Variants in CYP1B1 observed in about 807,000 individuals in gnomAD.
CYP1B1 encodes the protein cytochrome P450 1B1.
Under a neutral mutation model 29.9 loss-of-function variants are expected in CYP1B1, and 22 were observed. The observed-to-expected ratio is 0.74, with a 90% CI of 0.53 to 1.05. The LOEUF is 1.05. CYP1B1 is among the 50% of genes least tolerant of loss of function. The probability of loss-of-function intolerance (pLI) is 0.00; values close to 1 mark genes in which losing one functional copy is unlikely to be tolerated. For missense variants in CYP1B1, 883 were observed against 746.9 expected (o/e 1.18, Z -2.12); for synonymous variants, 375 against 320.0 (o/e 1.17, Z -1.83).
At chr2:38,072,694 G>GT (rs1422372960) in intron 2 of CYP1B1, among the ~76,000 whole-genome samples, 2 of 152,182 alleles carry the variant, frequency 1.3e-5, no homozygotes, top group Non-Finnish European at 1.5e-5. Context: ...AACATGTATG[G>GT]TGGGGAGAGC....
rs973844941 is a variant in CYP1B1, at chr2:38,069,118, T to C, written c.*1604A>G. 1 of 226,136 alleles carries C rather than the reference T, an allele frequency of 4.4e-6. No individual in the cohort carries two copies. The highest frequency in any genetic ancestry group is 2.2e-5 in the African/African-American group (1 of 44,958). The allele number at this position is 226,136 out of a possible 1,614,324, so 14.0% of individuals were successfully genotyped here. On this transcript the variant is annotated 3_prime_UTR_variant, in exon 3 of 3. Coordinates refer to ENST00000610745, the MANE Select transcript of CYP1B1 (RefSeq NM_000104.4). ...TCTAAATGTGAATGCATACATTTCATTTGAGCTTTATGCTTTCCCAGCTAC... is the reference window on the plus strand; with the variant it reads ...TCTAAATGTGAATGCATACATTTCACTTGAGCTTTATGCTTTCCCAGCTAC...
chr2:38,076,098 G>C lies in CYP1B1; in HGVS notation c.-320C>G, dbSNP rs1361287777. The C allele has an allele frequency of 1.3e-5, 2 of 153,056 alleles. No homozygotes were observed. Among genetic ancestry groups the C allele is most frequent in the Admixed American group, 1.3e-4 (2 of 15,402 alleles). 9.5% of individuals were successfully genotyped at this position (153,056 alleles called of 1,614,324 possible). A position where few individuals can be genotyped will look rare whatever the true frequency, so the allele number is the denominator to read the frequency against. On this transcript the variant is annotated 5_prime_UTR_variant, in exon 1 of 3. Transcript: ENST00000610745. ...GTGGCGTCAATTCCCATGCCCTTGC[G>C]GCTCTCACAACTGGAGTCGCAGAAG...
At chr2:38,072,630 T>G (rs1251116993) in intron 2 of CYP1B1, among the ~76,000 whole-genome samples, 1 of 152,240 alleles carries the variant, frequency 6.6e-6, no homozygotes, top group Non-Finnish European at 1.5e-5. Context: ...GAGTTATTTT[T>G]AGAATCGCTT....
chr2:38,067,701 G>C lies in CYP1B1; in HGVS notation c.*3021C>G, dbSNP rs182069485. ...TAATTTGGTATATCAAACAGTAAAG[G>C]CTACATATAAATGTTGTTTCCCCAG... On this transcript the variant is annotated 3_prime_UTR_variant, in exon 3 of 3. Coordinates refer to ENST00000610745, the MANE Select transcript of CYP1B1 (RefSeq NM_000104.4). 36 of 180,996 alleles carry C rather than the reference G, an allele frequency of 2.0e-4. No individual in the cohort carries two copies. Among genetic ancestry groups the C allele is most frequent in the African/African-American group, 8.3e-4 (35 of 42,396 alleles). 11.2% of individuals were successfully genotyped at this position (180,996 alleles called of 1,614,324 possible).
Position 38,074,625 on chromosome 2 carries a change from C to A in CYP1B1, c.764G>T (p.Arg255Leu), listed in dbSNP as rs772822218. ...CTGCTCGAATTCGCGGAAAACGGTG[C>A]GCACCGGGTTGGGGAAGTACTGCAG... ...PWLQYFPNPV[R>L]TVFREFEQLN... The change falls in exon 2 of 3, where the codon CGC (arginine) becomes CTC (leucine). Residue 255 changes from arginine (R) to leucine (L), a missense_variant. Physicochemically the swap from Arg to Leu is moderately radical, Grantham distance 102. Coordinates refer to ENST00000610745, the MANE Select transcript of CYP1B1 (RefSeq NM_000104.4). The A allele has an allele frequency of 1.1e-5, 18 of 1,613,482 alleles. No homozygotes were observed. In the South Asian group the frequency reaches 1.9e-4, roughly 17 times the overall value.
In CYP1B1 at chr2:38,067,665, C is replaced by T; in HGVS notation, c.*3057G>A. On this transcript the variant is annotated 3_prime_UTR_variant, in exon 3 of 3. Coordinates refer to ENST00000610745, the MANE Select transcript of CYP1B1 (RefSeq NM_000104.4). Reference sequence around the variant, plus strand: ...GTGTCCCAGTATAAGTAATGAGATACAATTTTTTTTTAATTTGGTATATCA... The same window carrying T: ...GTGTCCCAGTATAAGTAATGAGATATAATTTTTTTTTAATTTGGTATATCA... The T allele has an allele frequency of 5.6e-6, 1 of 178,316 alleles. No individual in the cohort carries two copies. The highest frequency in any genetic ancestry group is 1.2e-5 in the Non-Finnish European group (1 of 83,164). 11.0% of individuals were successfully genotyped at this position (178,316 alleles called of 1,614,324 possible). A position where few individuals can be genotyped will look rare whatever the true frequency, so the allele number is the denominator to read the frequency against.
chr2:38,069,359 G>A lies in CYP1B1; in HGVS notation c.*1363C>T, dbSNP rs748259917. 3 of 217,596 alleles carry A rather than the reference G, an allele frequency of 1.4e-5. No individual in the cohort carries two copies. Among genetic ancestry groups the A allele is most frequent in the Non-Finnish European group, 1.8e-5 (2 of 108,284 alleles). 13.5% of individuals were successfully genotyped at this position (217,596 alleles called of 1,614,324 possible). ...AAAAAGAACATCCAGGTAATTCATG[G>A]CATTTTCCATTATTCATTGGGCAGA... On this transcript the variant is annotated 3_prime_UTR_variant, in exon 3 of 3. Coordinates refer to ENST00000610745, the MANE Select transcript of CYP1B1 (RefSeq NM_000104.4).
At chr2:38,073,659 ATCTGCCTTTCTGAATGC>A (rs1468601670) in intron 2 of CYP1B1, 1 of 152,386 alleles carries the variant, frequency 6.6e-6, no homozygotes, top group Non-Finnish European at 1.5e-5. Context: ...TGGATATCCC[ATCTGCCTTTCTGAATGC>A]TACTCTGCTT....
Position 38,074,862 on chromosome 2 carries a change from TC to T in CYP1B1, c.526del (p.Glu176SerfsTer21). On this transcript the variant is annotated frameshift_variant, in exon 2 of 3. Transcript: ENST00000610745. LOFTEE classifies it high-confidence loss of function. ...GCCGCGCACCAGCAGCGCCACCAGC[TC>T]GCGCGCCTCGCTCAGCACGTGGCCC... ...LEGHVLSEARELVALLVRGSA... is the reference protein window; with the variant it reads ...LEGHVLSEARXLVALLVRGSA... 6.4e-7 allele frequency: 1 copy of T among 1,554,460 alleles called. No homozygotes were observed. Among genetic ancestry groups the T allele is most frequent in the Non-Finnish European group, 8.7e-7 (1 of 1,151,092 alleles).
chr2:38,074,630 C>G lies in CYP1B1; in HGVS notation c.759G>C (p.Pro253=). The G allele has an allele frequency of 6.2e-7, 1 of 1,613,530 alleles. No homozygotes were observed. Among genetic ancestry groups the G allele is most frequent in the South Asian group, 1.1e-5 (1 of 91,052 alleles). ...VMPWLQYFPN[P]VRTVFREFEQ... ...CGAATTCGCGGAAAACGGTGCGCAC[C>G]GGGTTGGGGAAGTACTGCAGCCAGG... is the stretch of plus-strand genomic sequence containing the variant. The change falls in exon 2 of 3, where the codon CCG becomes CCC. Residue 253 remains proline (P), a synonymous_variant. Transcript: ENST00000610745.
rs1682368883 is a variant in CYP1B1, at chr2:38,068,905, C to G, written c.*1817G>C. 4.4e-6 allele frequency: 1 copy of G among 228,238 alleles called. No homozygotes were observed. The highest frequency in any genetic ancestry group is 8.7e-6 in the Non-Finnish European group (1 of 114,988). 14.1% of individuals were successfully genotyped at this position (228,238 alleles called of 1,614,324 possible). On this transcript the variant is annotated 3_prime_UTR_variant, in exon 3 of 3. Transcript: ENST00000610745. Reference sequence around the variant, plus strand: ...TCTTTTCAGTGTTTCTCTCTTTTCTCTTACCATCCCCCCACCCCACACACA... The same window carrying G: ...TCTTTTCAGTGTTTCTCTCTTTTCTGTTACCATCCCCCCACCCCACACACA...
chr2:38,067,509 T>G lies in CYP1B1; in HGVS notation c.*3213A>C, dbSNP rs577070952. ...AAATGTAGAATGGACAAATAAAATG[T>G]TTACAGTGCAATATTTTAATTGAAT... On this transcript the variant is annotated 3_prime_UTR_variant, in exon 3 of 3. Coordinates refer to ENST00000610745, the MANE Select transcript of CYP1B1 (RefSeq NM_000104.4). 6.1e-6 allele frequency: 1 copy of G among 164,806 alleles called. No individual in the cohort carries two copies. Among genetic ancestry groups the G allele is most frequent in the East Asian group, 1.3e-4 (1 of 7,604 alleles). 10.2% of individuals were successfully genotyped at this position (164,806 alleles called of 1,614,324 possible). A position where few individuals can be genotyped will look rare whatever the true frequency, so the allele number is the denominator to read the frequency against.
intron 2 of CYP1B1, among the ~76,000 whole-genome samples, chr2:38,072,028 G>A (rs1682441993): frequency 6.6e-6 from 1 of 152,066 alleles, no homozygotes; most frequent in Admixed American, 6.6e-5. Flanking sequence ...ATAAAATTAT[G>A]GTACAAACTG....
chr2:38,074,762 A>G lies in CYP1B1; in HGVS notation c.627T>C (p.Cys209=). ...CGTCGTGGCTGTAGCGGCAGCCGAA[A>G]CACACGGCACTCATGACGTTGGCCA... The part of the protein sequence containing the change: ...VAVANVMSAV[C]FGCRYSHDDP... Residue 209 remains cysteine (C), a synonymous_variant, in exon 2 of 3, where the codon TGT becomes TGC. Coordinates refer to ENST00000610745, the MANE Select transcript of CYP1B1 (RefSeq NM_000104.4). 1 of 1,599,098 alleles carries G rather than the reference A, an allele frequency of 6.3e-7. No individual in the cohort carries two copies. The highest frequency in any genetic ancestry group is 1.3e-5 in the African/African-American group (1 of 74,830).
intron 1 of CYP1B1, 29 bp from the exon 2 acceptor site, chr2:38,075,418 C>G: frequency 6.2e-7 from 1 of 1,606,228 alleles, no homozygotes; most frequent in Non-Finnish European, 8.5e-7. Context: ...AGGCGTGACA[C>G]TCAGGGGTGC....
rs1325957340 is a variant in CYP1B1, at chr2:38,069,019, C to G, written c.*1703G>C. 1 of 225,640 alleles carries G rather than the reference C, an allele frequency of 4.4e-6. No individual in the cohort carries two copies. The highest frequency in any genetic ancestry group is 8.8e-6 in the Non-Finnish European group (1 of 113,346). 14.0% of individuals were successfully genotyped at this position (225,640 alleles called of 1,614,324 possible). On this transcript the variant is annotated 3_prime_UTR_variant, in exon 3 of 3. Transcript: ENST00000610745. ...AATAAAATGTAATAAGCACTTAGCA[C>G]TTAGGACACTGTAGAACTTTCTTTG... is the stretch of plus-strand genomic sequence containing the variant.
In CYP1B1 at chr2:38,070,061, A is replaced by T. The variant is rs886055995; in HGVS notation, c.*661T>A. On this transcript the variant is annotated 3_prime_UTR_variant, in exon 3 of 3. Coordinates refer to ENST00000610745, the MANE Select transcript of CYP1B1 (RefSeq NM_000104.4). ...CCCCACTATACTCACTAATTCAACT[A>T]TTGATTTCTTTTTGAGCAACTGACT... is the stretch of plus-strand genomic sequence containing the variant. 5.3e-5 allele frequency: 11 copies of T among 208,058 alleles called. No homozygotes were observed. The highest frequency in any genetic ancestry group is 1.1e-4 in the Non-Finnish European group (11 of 102,308). The allele number at this position is 208,058 out of a possible 1,614,324, so 12.9% of individuals were successfully genotyped here.
In CYP1B1 at chr2:38,070,739, T is replaced by C. The variant is rs372825812; in HGVS notation, c.1615A>G (p.Lys539Glu). The change falls in exon 3 of 3, where the codon AAG (lysine) becomes GAG (glutamate). Residue 539 changes from lysine (K) to glutamate (E), a missense_variant. Transcript: ENST00000610745. ...CTTGCTTCTTATTGGCAAGTTTCCT[T>C]GGCTTGTAAATTTTGGACAGCACTA... ...LDSAVQNLQA[K>E]ETCQ 9.9e-6 allele frequency: 16 copies of C among 1,614,114 alleles called. No individual in the cohort carries two copies. The highest frequency in any genetic ancestry group is 2.7e-5 in the African/African-American group (2 of 74,954).
chr2:38,075,640 G>A, intron 1 of CYP1B1, 140 bp downstream of exon 1: 1 of 584,776 alleles, frequency 1.7e-6, no homozygotes, highest in South Asian at 2.0e-5. Context: ...GCGCGTAACG[G>A]TTCCTGCAAT....
Sources: gnomAD v4.1 joint callset for allele counts (sites outside exome capture counted in the v4.1 genomes callset) on GRCh38, gnomAD v4.1.1 for gene constraint, MANE v1.5 for transcripts, NCBI Gene and HGNC (gene_info 2026-07-23, HGNC 2026-07-21) for gene names.